The following PDCL2 variants were observed in gnomAD, a reference collection of about 807,000 sequenced individuals.
PDCL2 encodes phosducin like 2, also known as phosducin-like protein 2.
PDCL2 carries 23 observed loss-of-function variants against 30.3 expected under a neutral mutation model. That is an observed-to-expected ratio of 0.76 (90% confidence interval 0.55 to 1.08). The LOEUF is 1.08. PDCL2 is among the 50% of genes least tolerant of loss of function. PDCL2 has a pLI of 0.00. For missense variants in PDCL2, 243 were observed against 282.3 expected (o/e 0.86, Z 1.00); for synonymous variants, 68 against 86.2 (o/e 0.79, Z 1.17).
intron 3 of PDCL2, among the ~76,000 whole-genome samples, chr4:55,579,448 C>T (rs1209809369): frequency 6.6e-6 from 1 of 152,132 alleles, no homozygotes; most frequent in Non-Finnish European, 1.5e-5. Flanking sequence ...CCTGCCTCAG[C>T]TTCTCAAGTA....
At position 55,592,139 on chromosome 4, in the gene PDCL2, C is replaced by T. The variant is rs371066512; in HGVS notation, c.-30G>A. 2.5e-6 allele frequency: 4 copies of T among 1,607,142 alleles called. No homozygotes were observed. The highest frequency in any genetic ancestry group is 1.1e-5 in the South Asian group (1 of 89,122). ...CGCTGCTCTGCCCCTCAAGAGCCCG[C>T]GTCGTCCTGCAGCTGGCGAGGCGCC... is the stretch of plus-strand genomic sequence containing the variant. On this transcript the variant is annotated 5_prime_UTR_variant, in exon 1 of 6. Transcript: ENST00000295645.
chr4:55,589,090 A>C (rs1279032693), intron 1 of PDCL2, among the ~76,000 whole-genome samples: 1 of 151,910 alleles, frequency 6.6e-6, no homozygotes, highest in East Asian at 1.9e-4. Context: ...CGATCTCCTG[A>C]CCTCGTGATC....
intron 3 of PDCL2, among the ~76,000 whole-genome samples, chr4:55,579,110 A>T (rs192516969): frequency 4.0e-5 from 6 of 150,514 alleles, no homozygotes; most frequent in Admixed American, 2.6e-4. Context: ...TCATATAATT[A>T]TTGATTTTGT....
chr4:55,567,526 A>T (rs1577908164), intron 4 of PDCL2, among the ~76,000 whole-genome samples: 1 of 152,134 alleles, frequency 6.6e-6, no homozygotes, highest in East Asian at 1.9e-4. Context: ...ACACAGTGAG[A>T]CCCTGTATCA....
At chr4:55,574,406 G>C (rs1002130360) in intron 3 of PDCL2, among the ~76,000 whole-genome samples, 2 of 152,196 alleles carry the variant, frequency 1.3e-5, no homozygotes, top group African/African-American at 4.8e-5. Context: ...ATGAGTGAAA[G>C]TGATATATAC....
intron 3 of PDCL2, among the ~76,000 whole-genome samples, chr4:55,574,058 T>C (rs1732500572): frequency 6.6e-6 from 1 of 152,170 alleles, no homozygotes; most frequent in African/African-American, 2.4e-5. Flanking sequence ...CTTGCTGTTT[T>C]GTTTTTACTT....
intron 1 of PDCL2, among the ~76,000 whole-genome samples, chr4:55,591,578 G>C (rs1733002365): frequency 6.6e-6 from 1 of 152,110 alleles, no homozygotes; most frequent in Non-Finnish European, 1.5e-5. Flanking sequence ...GTAGAGATGG[G>C]GTTTCACCAT....
chr4:55,563,540 GC>G (rs1732187315), intron 4 of PDCL2, among the ~76,000 whole-genome samples: 1 of 152,184 alleles, frequency 6.6e-6, no homozygotes, highest in Non-Finnish European at 1.5e-5. Context: ...GGTTTTAGGG[GC>G]CAAGGGAAAA....
chr4:55,588,553 C>G (rs1313535816), intron 1 of PDCL2, among the ~76,000 whole-genome samples: 2 of 152,298 alleles, frequency 1.3e-5, no homozygotes, highest in East Asian at 3.9e-4. Context: ...ACACTGGACG[C>G]ATGTCATCAG....
chr4:55,574,568 T>C (rs1296670067), intron 3 of PDCL2, among the ~76,000 whole-genome samples: 1 of 152,206 alleles, frequency 6.6e-6, no homozygotes, highest in Non-Finnish European at 1.5e-5. Flanking sequence ...TCAGGAGAAC[T>C]ATAGGATAAG....
intron 5 of PDCL2, among the ~76,000 whole-genome samples, chr4:55,558,679 G>A (rs1353745153): frequency 6.6e-6 from 1 of 152,122 alleles, no homozygotes; most frequent in Non-Finnish European, 1.5e-5. Flanking sequence ...GAAAGTATAG[G>A]AGAATATATT....
chr4:55,586,175 C>T (rs960109002), intron 1 of PDCL2, among the ~76,000 whole-genome samples: 4 of 152,008 alleles, frequency 2.6e-5, no homozygotes, highest in Non-Finnish European at 5.9e-5. Context: ...TTGTTTTTCT[C>T]AATATATTTT....
chr4:55,564,566 A>C (rs949944518), intron 4 of PDCL2, among the ~76,000 whole-genome samples: 1 of 152,208 alleles, frequency 6.6e-6, no homozygotes, highest in Admixed American at 6.5e-5. Context: ...GGCATAGATT[A>C]AATAGAATTG....
chr4:55,570,659 A>G (rs1732397053), intron 3 of PDCL2, among the ~76,000 whole-genome samples: 1 of 132,286 alleles, frequency 7.6e-6, no homozygotes, highest in Non-Finnish European at 1.7e-5. Flanking sequence ...GTGAGCATTC[A>G]ATAAATGTTG....
chr4:55,574,253 T>C (rs775532572), intron 3 of PDCL2, among the ~76,000 whole-genome samples: 1 of 152,204 alleles, frequency 6.6e-6, no homozygotes, highest in Non-Finnish European at 1.5e-5. Flanking sequence ...TATCGCTCTT[T>C]AATCTCTGTG....
intron 4 of PDCL2, among the ~76,000 whole-genome samples, chr4:55,568,148 C>T (rs1163843959): frequency 6.6e-6 from 1 of 152,118 alleles, no homozygotes; most frequent in Non-Finnish European, 1.5e-5. Context: ...AAGATAAAAA[C>T]ATTTATTATT....
chr4:55,577,487 TC>T (rs1195432720), intron 3 of PDCL2, among the ~76,000 whole-genome samples: 1 of 152,164 alleles, frequency 6.6e-6, no homozygotes, highest in Non-Finnish European at 1.5e-5. Context: ...TGTTAAAAGT[TC>T]TAACCTTCTA....
intron 4 of PDCL2, among the ~76,000 whole-genome samples, chr4:55,568,474 A>T (rs1732327595): frequency 6.6e-6 from 1 of 152,000 alleles, no homozygotes; most frequent in African/African-American, 2.4e-5. Context: ...TTCTTGATTG[A>T]CTCCTTGTCC....
Position 55,569,827 on chromosome 4 carries a change from T to C in PDCL2, c.253A>G (p.Lys85Glu), listed in dbSNP as rs200093988. The C allele has an allele frequency of 9.0e-6, 14 of 1,551,648 alleles. No homozygotes were observed. The South Asian group carries it at 1.1e-4, about 12-fold the overall frequency. ...CTTAATTCTCCAAATTTTTGTTTTT[T>C]CTTAAGAGCTTTCCATTCCTGTAAC... ...KRLQEWKALK[K>E]KQKFGELREI... The change falls in exon 4 of 6, where the codon AAA becomes GAA. Residue 85 changes from lysine (K) to glutamate (E), a missense_variant. Transcript: ENST00000295645.
Sources: gnomAD v4.1 joint callset for allele counts (sites outside exome capture counted in the v4.1 genomes callset) on GRCh38, gnomAD v4.1.1 for gene constraint, MANE v1.5 for transcripts, NCBI Gene and HGNC (gene_info 2026-07-23, HGNC 2026-07-21) for gene names.